The following GTF3C4 variants were observed in gnomAD, a reference collection of about 807,000 sequenced individuals.
GTF3C4 encodes general transcription factor 3C polypeptide 4.
In GTF3C4, 28 loss-of-function variants were observed where a neutral mutation model predicts 67.5. That is an observed-to-expected ratio of 0.41 (90% CI 0.31 to 0.57). The LOEUF (loss-of-function observed/expected upper bound fraction) is 0.57, where lower values mean the gene tolerates loss of function less well. Ranked by LOEUF, GTF3C4 falls within the 20% of genes least tolerant of loss-of-function variation. The pLI is 0.21. For missense variants in GTF3C4, 831 were observed against 1,033.2 expected, an observed-to-expected ratio of 0.80 and a Z score of 2.68; for synonymous variants, 409 against 393.0, an observed-to-expected ratio of 1.04 and a Z score of -0.48.
At chr9:132,677,690 G>A (rs1284114748) in intron 1 of GTF3C4, among the ~76,000 whole-genome samples, 3 of 152,116 alleles carry the variant, frequency 2.0e-5, no homozygotes, top group African/African-American at 7.2e-5. Context: ...ACCTAAAGCT[G>A]GCATTTGTAT....
intron 3 of GTF3C4, among the ~76,000 whole-genome samples, 170 bp downstream of exon 3, chr9:132,683,863 A>G (rs925292650): frequency 6.6e-6 from 1 of 152,196 alleles, no homozygotes; most frequent in Non-Finnish European, 1.5e-5. Flanking sequence ...CATCAGTGTC[A>G]CTCAAGCAAG....
In GTF3C4 at chr9:132,679,335, T is replaced by C; in HGVS notation, c.1716T>C (p.Tyr572=). Residue 572 remains tyrosine, a synonymous_variant, in exon 2 of 5, where the codon TAT becomes TAC. Coordinates refer to ENST00000372146, the MANE Select transcript of GTF3C4 (RefSeq NM_012204.4). This position sits in a 1 kb window ranked among gnomAD's most constrained non-coding sequence, Gnocchi z 5.9. ...EKKIESSGVT[Y]FWRFKLFLLR... is the part of the protein sequence containing the mutation. ...AGATTGAAAGCAGTGGAGTCACCTA[T>C]TTTTGGCGTTTTAAGCTTTTCCTCC... The C allele has an allele frequency of 1.9e-6, 3 of 1,614,122 alleles. No individual in the cohort carries two copies. Among genetic ancestry groups the C allele is most frequent in the Non-Finnish European group, 2.5e-6 (3 of 1,179,982 alleles).
intron 2 of GTF3C4, among the ~76,000 whole-genome samples, chr9:132,682,040 T>G (rs1835953317): frequency 6.6e-6 from 1 of 150,688 alleles, no homozygotes; most frequent in African/African-American, 2.4e-5. Flanking sequence ...CTTGGGAGGC[T>G]GATGGGGGAG....
Position 132,692,593 on chromosome 9 carries a change from A to G in GTF3C4, c.*3648A>G, listed in dbSNP as rs1391254821. 2 of 150,314 alleles carry G rather than the reference A, an allele frequency of 1.3e-5. No homozygotes were observed. The highest frequency in any genetic ancestry group is 3.0e-5 in the Non-Finnish European group (2 of 67,246). 9.3% of individuals were successfully genotyped at this position (150,314 alleles called of 1,614,324 possible). A position where few individuals can be genotyped will look rare whatever the true frequency, so the allele number is the denominator to read the frequency against. On this transcript the variant is annotated 3_prime_UTR_variant, in exon 5 of 5. Coordinates refer to ENST00000372146, the MANE Select transcript of GTF3C4 (RefSeq NM_012204.4). ...CAAATACAGGAATGTCTTTACAATT[A>G]GCCCACCATGGACTGTTTTGAGTCT...
chr9:132,680,035 A>G (rs1835917902), intron 2 of GTF3C4, among the ~76,000 whole-genome samples: 1 of 152,216 alleles, frequency 6.6e-6, no homozygotes, highest in African/African-American at 2.4e-5. Context: ...TTAGATATGC[A>G]AAGTTTGCAG....
intron 3 of GTF3C4, among the ~76,000 whole-genome samples, chr9:132,685,714 T>C (rs889900278): frequency 1.3e-5 from 2 of 152,232 alleles, no homozygotes; most frequent in African/African-American, 4.8e-5. Context: ...GAAATAAGCT[T>C]GTAGTATATT....
At chr9:132,682,302 A>G (rs1382377802) in intron 2 of GTF3C4, among the ~76,000 whole-genome samples, 1 of 152,188 alleles carries the variant, frequency 6.6e-6, no homozygotes, top group Non-Finnish European at 1.5e-5. Context: ...TTTGTAGAGG[A>G]TATACAGAAG....
Position 132,691,024 on chromosome 9 carries a change from T to C in GTF3C4, c.*2079T>C, listed in dbSNP as rs1266607776. ...TCCCAAATTTTTTTGTATGTCTCTCTAGGAGTAAACATGGCAACAGTTTTT... is the reference window on the plus strand; with the variant it reads ...TCCCAAATTTTTTTGTATGTCTCTCCAGGAGTAAACATGGCAACAGTTTTT... On this transcript the variant is annotated 3_prime_UTR_variant, in exon 5 of 5. Transcript: ENST00000372146. 1 of 152,190 alleles carries C rather than the reference T, an allele frequency of 6.6e-6. No individual in the cohort carries two copies. Among genetic ancestry groups the C allele is most frequent in the African/African-American group, 2.4e-5 (1 of 41,434 alleles). The allele number at this position is 152,190 out of a possible 1,614,324, so 9.4% of individuals were successfully genotyped here.
At position 132,671,194 on chromosome 9, in the gene GTF3C4, C is replaced by T. The variant is rs182749088; in HGVS notation, c.357+239C>T. Among the ~76,000 whole-genome samples, 33 of 152,314 alleles carry T rather than the reference C, an allele frequency of 2.2e-4. 1 individual carries two copies. In the East Asian group the frequency reaches 2.9e-3, roughly 13 times the overall value. ...CGCCGCCGCAAACACAGGTACACAC[C>T]CAGGGGGCTTCCCGGAGTTGAGTCC... On this transcript the variant is annotated intron_variant, in intron 1 of 4. Transcript: ENST00000372146.
Position 132,683,559 on chromosome 9 carries a change from C to CT in GTF3C4, c.2185-3dup. The stretch of plus-strand genomic sequence containing the variant: ...AAACTTTGCTGACTACTTTGTCTTA[C>CT]TAGGTGCTGATTGGACATATCTCAA... On this transcript the variant is annotated splice_region_variant and splice_polypyrimidine_tract_variant and intron_variant, in intron 2 of 4. Coordinates refer to ENST00000372146, the MANE Select transcript of GTF3C4 (RefSeq NM_012204.4). The CT allele has an allele frequency of 1.9e-6, 3 of 1,609,440 alleles. No homozygotes were observed. Among genetic ancestry groups the CT allele is most frequent in the Non-Finnish European group, 1.7e-6 (2 of 1,178,850 alleles).
rs1564356001 is a variant in GTF3C4 at position 132,679,474 on chromosome 9, G to A, written c.1855G>A (p.Asp619Asn). The stretch of plus-strand genomic sequence containing the variant: ...TTCGCCTGGGATGGGCAATGCTGAC[G>A]ATGAACAGCAGGAAGAAGGCACTTC... ...VDSPGMGNAD[D>N]EQQEEGTSSK... is the part of the protein sequence containing the mutation. The change falls in exon 2 of 5, where the codon GAT becomes AAT. Residue 619 changes from aspartate (D) to asparagine (N), a missense_variant. By Grantham distance (23) the Asp-to-Asn change is conservative. Transcript: ENST00000372146. This position sits in a 1 kb window ranked among gnomAD's most constrained non-coding sequence, Gnocchi z 5.9. 3 of 1,614,096 alleles carry A rather than the reference G, an allele frequency of 1.9e-6. No homozygotes were observed. Among genetic ancestry groups the A allele is most frequent in the African/African-American group, 1.3e-5 (1 of 75,020 alleles).
In GTF3C4 at chr9:132,691,177, G is replaced by A. The variant is rs1224736123; in HGVS notation, c.*2232G>A. On this transcript the variant is annotated 3_prime_UTR_variant, in exon 5 of 5. Coordinates refer to ENST00000372146, the MANE Select transcript of GTF3C4 (RefSeq NM_012204.4). Reference sequence around the variant, plus strand: ...AAGGCCTTTCCCTGCCCTTGTCCCTGTCTCACACCCATGGAGGTTAAGCTA... The same window carrying A: ...AAGGCCTTTCCCTGCCCTTGTCCCTATCTCACACCCATGGAGGTTAAGCTA... 2 of 152,206 alleles carry A rather than the reference G, an allele frequency of 1.3e-5. No homozygotes were observed. The highest frequency in any genetic ancestry group is 4.8e-5 in the African/African-American group (2 of 41,442). 9.4% of individuals were successfully genotyped at this position (152,206 alleles called of 1,614,324 possible).
chr9:132,673,420 T>G (rs1441038004), intron 1 of GTF3C4, among the ~76,000 whole-genome samples: 1 of 151,874 alleles, frequency 6.6e-6, no homozygotes, highest in East Asian at 1.9e-4. Context: ...TACTGTTGTT[T>G]TTTTTTTAAT....
intron 3 of GTF3C4, among the ~76,000 whole-genome samples, chr9:132,685,316 C>T (rs555200658): frequency 2.0e-5 from 3 of 151,986 alleles, no homozygotes; most frequent in East Asian, 1.9e-4. Context: ...CCACTGCACC[C>T]GGCCAAATTT....
At position 132,694,324 on chromosome 9, in the gene GTF3C4, G is replaced by A. The variant is rs1187591797; in HGVS notation, c.*5379G>A. On this transcript the variant is annotated 3_prime_UTR_variant, in exon 5 of 5. Transcript: ENST00000372146. ...GGTAGGTGCTCATGACGTGTAGAATGAGTGAGTAACTTCCTGCCTCATCAG... is the reference window on the plus strand; with the variant it reads ...GGTAGGTGCTCATGACGTGTAGAATAAGTGAGTAACTTCCTGCCTCATCAG... The A allele has an allele frequency of 6.6e-6, 1 of 152,146 alleles. No individual in the cohort carries two copies. The highest frequency in any genetic ancestry group is 1.5e-5 in the Non-Finnish European group (1 of 68,016). The allele number at this position is 152,146 out of a possible 1,614,324, so 9.4% of individuals were successfully genotyped here.
rs773046935 is a variant in GTF3C4, at chr9:132,678,790, G to C, written c.1171G>C (p.Val391Leu). Residue 391 changes from valine to leucine, a missense_variant, in exon 2 of 5, where the codon GTA (valine) becomes CTA (leucine). Val to Leu is a conservative substitution (Grantham distance 32). Coordinates refer to ENST00000372146, the MANE Select transcript of GTF3C4 (RefSeq NM_012204.4). The surrounding 1 kb of genome is among the most constrained non-coding windows in gnomAD (Gnocchi z 6.5). ...HPYQKCSCSL[V>L]VAARGSYVFW... ...TTACCAGAAGTGTAGTTGCAGCTTAGTAGTGGCTGCAAGAGGCTCTTATGT... is the reference window on the plus strand; with the variant it reads ...TTACCAGAAGTGTAGTTGCAGCTTACTAGTGGCTGCAAGAGGCTCTTATGT... 3 of 1,613,678 alleles carry C rather than the reference G, an allele frequency of 1.9e-6. No homozygotes were observed. The highest frequency in any genetic ancestry group is 1.7e-5 in the Admixed American group (1 of 60,006).
Position 132,677,960 on chromosome 9 carries a change from A to G in GTF3C4, c.358-17A>G, listed in dbSNP as rs759208402. The G allele has an allele frequency of 1.9e-6, 3 of 1,567,188 alleles. No homozygotes were observed. The highest frequency in any genetic ancestry group is 2.2e-5 in the East Asian group (1 of 44,544). On this transcript the variant is annotated splice_polypyrimidine_tract_variant and intron_variant, in intron 1 of 4. Coordinates refer to ENST00000372146, the MANE Select transcript of GTF3C4 (RefSeq NM_012204.4). Reference sequence around the variant, plus strand: ...AGTAAATGCTCATCTGATAGTTTTTATATCTCTTATTTTCAGGTTGGCTCA... The same window carrying G: ...AGTAAATGCTCATCTGATAGTTTTTGTATCTCTTATTTTCAGGTTGGCTCA...
At chr9:132,687,091 A>G in intron 3 of GTF3C4, 148 bp from the exon 4 acceptor site, 4 of 699,774 alleles carry the variant, frequency 5.7e-6, no homozygotes, top group Non-Finnish European at 1.1e-5. Flanking sequence ...GCACAGGGGG[A>G]TGCATTGTTA....
chr9:132,685,534 G>C (rs1275062710), intron 3 of GTF3C4, among the ~76,000 whole-genome samples: 2 of 144,848 alleles, frequency 1.4e-5, no homozygotes, highest in Non-Finnish European at 3.0e-5. Flanking sequence ...TTTTTGAGAT[G>C]GGGAGATGAG....
Sources: allele counts gnomAD v4.1 joint callset (sites outside exome capture counted in the v4.1 genomes callset), GRCh38; gene constraint gnomAD v4.1.1; non-coding constraint Gnocchi (gnomAD v3.1); transcripts MANE v1.5; gene names NCBI Gene and HGNC (gene_info 2026-07-23, HGNC 2026-07-21).